The following ERICH6 variants were observed in gnomAD, a reference collection of about 807,000 sequenced individuals.
The protein encoded by ERICH6 is glutamate rich 6.
A neutral mutation model predicts 71.0 loss-of-function variants in ERICH6; 71 were observed. The ratio of observed to expected loss-of-function variants is 1.00; its 90% CI spans 0.83 to 1.22. ERICH6 has a LOEUF of 1.22. Ranked by LOEUF, ERICH6 falls within the 50% of genes most tolerant of loss-of-function variation. The pLI, the probability that ERICH6 is intolerant of heterozygous loss-of-function variation, is 0.00. For synonymous variants in ERICH6, 262 were observed against 278.4 expected, an observed-to-expected ratio of 0.94 and a Z score of 0.59; for missense variants, 808 against 797.2, an observed-to-expected ratio of 1.01 and a Z score of -0.16.
chr3:150,680,303 A>G (rs1711850262), intron 9 of ERICH6, among the ~76,000 whole-genome samples, 165 bp downstream of exon 9: 1 of 151,698 alleles, frequency 6.6e-6, no homozygotes, highest in Admixed American at 6.6e-5. Flanking sequence ...TCTGGGCTCA[A>G]GCGATTCTCC....
chr3:150,670,107 T>C (rs1711497781), intron 11 of ERICH6, among the ~76,000 whole-genome samples: 1 of 152,128 alleles, frequency 6.6e-6, no homozygotes, highest in South Asian at 2.1e-4. Flanking sequence ...TACTTAATGG[T>C]GAAAGATTTA....
intron 3 of ERICH6, among the ~76,000 whole-genome samples, chr3:150,693,624 A>G (rs1182811416): frequency 2.0e-5 from 3 of 146,632 alleles, no homozygotes; most frequent in African/African-American, 7.5e-5. Flanking sequence ...AAAAATAATT[A>G]CTTTTTTTTT....
chr3:150,660,920 T>C (rs558962013), intron 13 of ERICH6, among the ~76,000 whole-genome samples: 16 of 152,238 alleles, frequency 1.1e-4, no homozygotes, highest in African/African-American at 3.1e-4. Flanking sequence ...CCTCCTTCCA[T>C]AGAAAGGAAG....
intron 2 of ERICH6, among the ~76,000 whole-genome samples, chr3:150,701,188 G>A (rs528220816): frequency 2.0e-5 from 3 of 152,122 alleles, no homozygotes; most frequent in South Asian, 4.1e-4. Context: ...AGGAGGAAGT[G>A]CATTAACATG....
intron 2 of ERICH6, among the ~76,000 whole-genome samples, chr3:150,699,224 T>C (rs548615853): frequency 1.3e-5 from 2 of 152,314 alleles, no homozygotes; most frequent in East Asian, 3.9e-4. Context: ...AGCAGGAGGA[T>C]GGCTTGAGCC....
chr3:150,689,480 A>T (rs570430912), intron 3 of ERICH6, among the ~76,000 whole-genome samples: 2 of 152,138 alleles, frequency 1.3e-5, no homozygotes, highest in East Asian at 1.9e-4. Flanking sequence ...AATAGCAGCA[A>T]TTTTTTCTAG....
chr3:150,685,644 T>A, intron 6 of ERICH6, 98 bp downstream of exon 6: 1 of 1,052,476 alleles, frequency 9.5e-7, no homozygotes, highest in Non-Finnish European at 1.4e-6. Flanking sequence ...TTTTTTTTTT[T>A]TCCTTTTAGA....
chr3:150,678,587 T>A, intron 9 of ERICH6, 33 bp from the exon 10 acceptor site: 1 of 1,523,906 alleles, frequency 6.6e-7, no homozygotes, highest in Non-Finnish European at 8.8e-7. Context: ...GAAATACATA[T>A]ATGTTTTAAA....
rs759035786 is a variant in ERICH6 at position 150,660,163 on chromosome 3, G to A, written c.1729-8C>T. 5.6e-6 allele frequency: 9 copies of A among 1,607,850 alleles called. No individual in the cohort carries two copies. In the South Asian group the frequency reaches 7.7e-5, roughly 14 times the overall value. ...CTCCTCAGGGTTTGGTAGCTTTTCA[G>A]CAAAGAGAAAGAGAAGGAAACTCAG... is the stretch of plus-strand genomic sequence containing the variant. On this transcript the variant is annotated splice_polypyrimidine_tract_variant and splice_region_variant and intron_variant, in intron 13 of 13. Coordinates refer to ENST00000295910, the MANE Select transcript of ERICH6 (RefSeq NM_152394.5).
chr3:150,672,929 T>C (rs1016694934), intron 11 of ERICH6, among the ~76,000 whole-genome samples: 1 of 151,706 alleles, frequency 6.6e-6, no homozygotes, highest in African/African-American at 2.4e-5. Context: ...GGATGCTGAG[T>C]TGGGGGGACT....
At chr3:150,679,065 T>C (rs1711791347) in intron 9 of ERICH6, among the ~76,000 whole-genome samples, 1 of 148,532 alleles carries the variant, frequency 6.7e-6, no homozygotes. Flanking sequence ...AAAAGACAAT[T>C]TTCATTAAGT....
chr3:150,679,769 T>C (rs1488724641), intron 9 of ERICH6, among the ~76,000 whole-genome samples: 1 of 152,132 alleles, frequency 6.6e-6, no homozygotes, highest in Non-Finnish European at 1.5e-5. Context: ...GTGATTCTCC[T>C]GCCTCAGCCT....
At chr3:150,679,083 T>G (rs1343625867) in intron 9 of ERICH6, among the ~76,000 whole-genome samples, 4 of 151,224 alleles carry the variant, frequency 2.6e-5, no homozygotes, top group Admixed American at 2.6e-4. Context: ...AGTGAAACTT[T>G]CTGGCCTTAG....
chr3:150,666,473 C>T (rs758047849), intron 13 of ERICH6, among the ~76,000 whole-genome samples: 8 of 152,066 alleles, frequency 5.3e-5, no homozygotes, highest in Admixed American at 2.6e-4. Context: ...TCTACCATGG[C>T]GGGGAGAAAA....
rs1403955832 is a variant in ERICH6, at chr3:150,666,825, C to G, written c.1690G>C (p.Gly564Arg). Reference sequence around the variant, plus strand: ...CCAACACTGATTCTTGCCTGTTGGCCCATTGCTAGAAAAGTTATAGAAATC... The same window carrying G: ...CCAACACTGATTCTTGCCTGTTGGCGCATTGCTAGAAAAGTTATAGAAATC... ...DKISITFLAM[G>R]QQARISVGTK... Residue 564 changes from glycine to arginine, a missense_variant, in exon 13 of 14, where the codon GGC becomes CGC. Gly to Arg is a moderately radical substitution (Grantham distance 125, BLOSUM62 -2). Around this residue, in one of 3 missense-constraint regions of ERICH6, gnomAD observed 736 missense variants for 712.2 expected, o/e 1.03. Transcript: ENST00000295910. 3.1e-6 allele frequency: 5 copies of G among 1,614,044 alleles called. No homozygotes were observed. The East Asian group carries it at 1.1e-4, about 36-fold the overall frequency.
intron 8 of ERICH6, 106 bp from the exon 9 acceptor site, chr3:150,680,644 T>C: frequency 6.4e-7 from 1 of 1,553,888 alleles, no homozygotes; most frequent in Non-Finnish European, 8.8e-7. Flanking sequence ...CTGTTTGATC[T>C]GTTATTACTT....
At chr3:150,702,354 G>C (rs1712918037) in intron 1 of ERICH6, among the ~76,000 whole-genome samples, 176 bp from the exon 2 acceptor site, 1 of 137,588 alleles carries the variant, frequency 7.3e-6, no homozygotes, top group Admixed American at 8.8e-5. Flanking sequence ...TTGGCTCACT[G>C]CAAGCTCCAC....
intron 3 of ERICH6, among the ~76,000 whole-genome samples, chr3:150,695,806 A>G (rs895535156): frequency 3.3e-5 from 5 of 150,394 alleles, no homozygotes; most frequent in African/African-American, 9.7e-5. Flanking sequence ...GATCAGAAAC[A>G]AAATGGAGAG....
At chr3:150,685,479 C>G (rs535504277) in intron 6 of ERICH6, among the ~76,000 whole-genome samples, 4 of 152,234 alleles carry the variant, frequency 2.6e-5, no homozygotes, top group Non-Finnish European at 5.9e-5. Context: ...GTTGGCCCTG[C>G]CAAAACACTG....
Sources: allele counts gnomAD v4.1 joint callset (sites outside exome capture counted in the v4.1 genomes callset), GRCh38; gene constraint gnomAD v4.1.1; regional missense constraint gnomAD v4.1.1; transcripts MANE v1.5; gene names NCBI Gene and HGNC (gene_info 2026-07-23, HGNC 2026-07-21).